DCC: variants seen among roughly 807,000 people sequenced by gnomAD.
DCC encodes the protein netrin receptor DCC.
Under a neutral mutation model 172.5 loss-of-function variants are expected in DCC, and 58 were observed. The observed-to-expected ratio is 0.34, with a 90% CI of 0.27 to 0.42. The LOEUF (loss-of-function observed/expected upper bound fraction) is 0.42, where lower values mean the gene tolerates loss of function less well. DCC is among the 10% of genes least tolerant of loss of function. The pLI is 1.00. For missense variants in DCC, 1,740 were observed against 1,791.0 expected, an observed-to-expected ratio of 0.97 and a Z score of 0.51; for synonymous variants, 709 against 644.5, an observed-to-expected ratio of 1.10 and a Z score of -1.52.
chr18:53,464,839 C>T (rs1276016831), intron 24 of DCC, among the ~76,000 whole-genome samples: 1 of 151,598 alleles, frequency 6.6e-6, no homozygotes, highest in African/African-American at 2.4e-5. Flanking sequence ...ATTAGCCAGA[C>T]GTGGTGGTAC....
intron 1 of DCC, among the ~76,000 whole-genome samples, chr18:52,454,556 C>T (rs1397855004): frequency 2.6e-5 from 4 of 151,940 alleles, no homozygotes; most frequent in East Asian, 1.9e-4. Flanking sequence ...TCCTATTGAC[C>T]GTGGTCACTA....
intron 1 of DCC, among the ~76,000 whole-genome samples, chr18:52,514,363 T>A (rs1179197618): frequency 6.6e-6 from 1 of 152,148 alleles, no homozygotes; most frequent in Non-Finnish European, 1.5e-5. Context: ...TCCTGTGAGG[T>A]GATGTCTTGT....
At chr18:52,618,303 TA>T (rs994787139) in intron 1 of DCC, among the ~76,000 whole-genome samples, 4 of 152,036 alleles carry the variant, frequency 2.6e-5, no homozygotes, top group Admixed American at 2.6e-4. Context: ...AATTTGTTTT[TA>T]AAAAAAACAA....
At chr18:52,569,768 G>T (rs570181942) in intron 1 of DCC, among the ~76,000 whole-genome samples, 1 of 152,232 alleles carries the variant, frequency 6.6e-6, no homozygotes, top group African/African-American at 2.4e-5. Flanking sequence ...AAGTAGATTA[G>T]CATTAACCAT....
chr18:53,009,636 C>T (rs977211419), intron 5 of DCC, among the ~76,000 whole-genome samples: 9 of 151,888 alleles, frequency 5.9e-5, no homozygotes, highest in Middle Eastern at 3.4e-3. Context: ...TCATGGATGG[C>T]GGCATAAGTT....
chr18:53,100,080 G>A lies in DCC; in HGVS notation c.1261+33914G>A, dbSNP rs777348840. Among the ~76,000 whole-genome samples, 4 of 151,568 alleles carry A rather than the reference G, an allele frequency of 2.6e-5. 1 individual carries two copies. Among genetic ancestry groups the A allele is most frequent in the Non-Finnish European group, 5.9e-5 (4 of 67,920 alleles). On this transcript the variant is annotated intron_variant, in intron 7 of 28. Transcript: ENST00000442544. ...TCCTGCATCAGCCTCCCAAGTAGCT[G>A]GGATTATAGGCAGGCACCACCACGC...
chr18:52,614,073 C>G (rs1247943613), intron 1 of DCC, among the ~76,000 whole-genome samples: 1 of 151,918 alleles, frequency 6.6e-6, no homozygotes, highest in African/African-American at 2.4e-5. Context: ...ATTTTTTTTT[C>G]TTGCTTCTCT....
At chr18:52,834,454 G>T (rs1714196619) in intron 2 of DCC, among the ~76,000 whole-genome samples, 1 of 152,082 alleles carries the variant, frequency 6.6e-6, no homozygotes, top group Non-Finnish European at 1.5e-5. Flanking sequence ...AAGTCCTCTG[G>T]GTGAGTCTGA....
chr18:52,724,867 C>T (rs972859344), intron 1 of DCC, among the ~76,000 whole-genome samples: 10 of 152,192 alleles, frequency 6.6e-5, no homozygotes, highest in Admixed American at 6.5e-4. Flanking sequence ...TTGGTCTTCA[C>T]TACTAAGGAA....
intron 5 of DCC, among the ~76,000 whole-genome samples, chr18:53,030,477 G>A (rs1360212134): frequency 6.6e-6 from 1 of 151,724 alleles, no homozygotes; most frequent in Non-Finnish European, 1.5e-5. Context: ...GATTAGCATT[G>A]TACATGACAG....
intron 1 of DCC, among the ~76,000 whole-genome samples, chr18:52,352,229 A>G (rs1984155672): frequency 6.6e-6 from 1 of 152,244 alleles, no homozygotes; most frequent in East Asian, 1.9e-4. Context: ...TTATGTTAGT[A>G]TGGGCTACAT....
chr18:52,977,053 T>G (rs1003882579), intron 5 of DCC, among the ~76,000 whole-genome samples: 2 of 152,226 alleles, frequency 1.3e-5, no homozygotes, highest in African/African-American at 4.8e-5. Context: ...TCCCTCAAGG[T>G]GCTCAAAATG....
chr18:52,426,296 AT>A (rs59755014), intron 1 of DCC, among the ~76,000 whole-genome samples: 48,487 of 141,752 alleles, frequency 0.34, 9,096 homozygotes, highest in East Asian at 0.55. Context: ...TAGTGCCAGA[AT>A]TTTTTTTTTT....
chr18:52,639,493 C>T (rs1003475162), intron 1 of DCC, among the ~76,000 whole-genome samples: 1 of 152,058 alleles, frequency 6.6e-6, no homozygotes, highest in African/African-American at 2.4e-5. Context: ...ACTGACAGCA[C>T]TGAAATACAA....
At chr18:52,416,402 A>G (rs1402997384) in intron 1 of DCC, among the ~76,000 whole-genome samples, 3 of 152,082 alleles carry the variant, frequency 2.0e-5, no homozygotes, top group Non-Finnish European at 2.9e-5. Context: ...CTTGGTGCAG[A>G]GCTGAGTTCA....
At chr18:53,239,949 C>CT (rs2056263258) in intron 12 of DCC, among the ~76,000 whole-genome samples, 1 of 141,476 alleles carries the variant, frequency 7.1e-6, no homozygotes, top group Non-Finnish European at 1.5e-5. Context: ...GAAGGCAATG[C>CT]TTTTTATTTT....
In DCC at chr18:52,646,544, C is replaced by T. The variant is rs577994197; in HGVS notation, c.92-105510C>T. On this transcript the variant is annotated intron_variant, in intron 1 of 28. Transcript: ENST00000442544. ...CCTGTACTTCTGATCACCCAGCTAT[C>T]GATTGGGGGTTCCCACAACCCCTAT... Among the ~76,000 whole-genome samples, 6 of 152,232 alleles carry T rather than the reference C, an allele frequency of 3.9e-5. No homozygotes were observed. In the South Asian group the frequency reaches 8.3e-4, roughly 21 times the overall value.
intron 20 of DCC, among the ~76,000 whole-genome samples, chr18:53,414,838 A>G (rs1372508757): frequency 6.6e-6 from 1 of 152,212 alleles, no homozygotes; most frequent in African/African-American, 2.4e-5. Flanking sequence ...ACAGAGCAAT[A>G]ATAAAAATCC....
intron 2 of DCC, among the ~76,000 whole-genome samples, chr18:52,846,964 T>A (rs1482513522): frequency 6.6e-6 from 1 of 152,048 alleles, no homozygotes; most frequent in African/African-American, 2.4e-5. Context: ...CAGTAAGAAG[T>A]CAGCCTGCCT....
Sources: allele counts gnomAD v4.1 joint callset (sites outside exome capture counted in the v4.1 genomes callset), GRCh38; gene constraint gnomAD v4.1.1; transcripts MANE v1.5; gene names NCBI Gene and HGNC (gene_info 2026-07-23, HGNC 2026-07-21).